HOMER2: variants seen among roughly 807,000 people sequenced by gnomAD.
HOMER2 encodes the protein homer scaffold protein 2.
A neutral mutation model predicts 47.0 loss-of-function variants in HOMER2; 27 were observed. The observed-to-expected ratio is 0.57, with a 90% CI of 0.42 to 0.79. The LOEUF is 0.79. HOMER2 is among the 30% of genes least tolerant of loss of function. The pLI, the probability that HOMER2 is intolerant of heterozygous loss-of-function variation, is 0.00. For missense variants in HOMER2, 443 were observed against 435.0 expected (o/e 1.02, Z -0.16); for synonymous variants, 161 against 163.8 (o/e 0.98, Z 0.13).
intron 3 of HOMER2, among the ~76,000 whole-genome samples, chr15:82,868,176 GTT>G (rs564561273): frequency 4.0e-5 from 6 of 151,822 alleles, no homozygotes; most frequent in Non-Finnish European, 5.9e-5. Flanking sequence ...CTTTTTAATG[GTT>G]TTTTTATTGT....
intron 1 of HOMER2, among the ~76,000 whole-genome samples, chr15:82,918,217 C>T (rs1002725686): frequency 3.9e-5 from 6 of 152,188 alleles, no homozygotes; most frequent in Non-Finnish European, 5.9e-5. Context: ...CCATCCCTCC[C>T]GGACAGCACT....
Position 82,863,827 on chromosome 15 carries a change from G to A in HOMER2, c.387+340C>T, listed in dbSNP as rs188028576. Among the ~76,000 whole-genome samples the A allele has an allele frequency of 2.0e-5, 3 of 152,196 alleles. No homozygotes were observed. The East Asian group carries it at 5.8e-4, about 29-fold the overall frequency. The stretch of plus-strand genomic sequence containing the variant: ...TCTGACATCAAGTCTCTCTCTTGTG[G>A]GCACAAGGTACCCTACACAGAAACT... On this transcript the variant is annotated intron_variant, in intron 4 of 8. Coordinates refer to ENST00000450735, the MANE Select transcript of HOMER2 (RefSeq NM_004839.4).
chr15:82,957,243 C>A (rs1317772361), upstream of HOMER2, among the ~76,000 whole-genome samples: 1 of 149,988 alleles, frequency 6.7e-6, no homozygotes, highest in African/African-American at 2.5e-5. Flanking sequence ...TGTGTCACTG[C>A]ACTCTAGCAC....
intron 3 of HOMER2, among the ~76,000 whole-genome samples, chr15:82,874,446 C>CA (rs2052278511): frequency 6.6e-6 from 1 of 152,222 alleles, no homozygotes; most frequent in Non-Finnish European, 1.5e-5. Flanking sequence ...AACAGGCTCT[C>CA]AGCCCCTTTA....
intron 1 of HOMER2, among the ~76,000 whole-genome samples, chr15:82,901,164 A>T (rs1316447375): frequency 6.6e-6 from 1 of 152,172 alleles, no homozygotes. Context: ...ATCCATTCTC[A>T]TGTGCTTTGG....
intron 3 of HOMER2, among the ~76,000 whole-genome samples, chr15:82,871,650 C>G (rs763802892): frequency 1.2e-4 from 18 of 152,288 alleles, no homozygotes; most frequent in Non-Finnish European, 1.9e-4. Flanking sequence ...GTTGTGGGCA[C>G]CGAGCAGAAC....
chr15:82,854,672 C>T lies in HOMER2; in HGVS notation c.623G>A (p.Arg208His), dbSNP rs7175005. 5.7e-3 allele frequency: 9,246 copies of T among 1,612,974 alleles called. 446 individuals are homozygous for T. In the African/African-American group the frequency reaches 0.11, roughly 19 times the overall value. Reference sequence around the variant, plus strand: ...GTTGCGGAGCCGGTCATTCTCATCACGGCAGATGGAGAACTGCCTCTTCCA... The same window carrying T: ...GTTGCGGAGCCGGTCATTCTCATCATGGCAGATGGAGAACTGCCTCTTCCA... ...EQWKRQFSIC[R>H]DENDRLRNKI... The change falls in exon 6 of 9, where the codon CGT (arginine) becomes CAT (histidine). Residue 208 changes from arginine (R) to histidine (H), a missense_variant. By Grantham distance (29) the Arg-to-His change is conservative. Coordinates refer to ENST00000450735, the MANE Select transcript of HOMER2 (RefSeq NM_004839.4).
intron 1 of HOMER2, among the ~76,000 whole-genome samples, chr15:82,976,285 CTATTTATTTATT>C (rs543419840): frequency 2.0e-5 from 3 of 151,544 alleles, no homozygotes; most frequent in Non-Finnish European, 2.9e-5. Context: ...TTATCATGCA[CTATTTATTTATT>C]TATTTATTTA....
At chr15:82,894,424 T>A (rs2052833046) in intron 1 of HOMER2, among the ~76,000 whole-genome samples, 1 of 152,070 alleles carries the variant, frequency 6.6e-6, no homozygotes, top group Non-Finnish European at 1.5e-5. Context: ...GCCATCAACG[T>A]GTAAAAATAG....
chr15:82,851,231 C>G lies in HOMER2; in HGVS notation c.763G>C (p.Glu255Gln), dbSNP rs1468103617. The G allele has an allele frequency of 4.5e-6, 7 of 1,554,290 alleles. No individual in the cohort carries two copies. The highest frequency in any genetic ancestry group is 1.2e-5 in the South Asian group (1 of 84,304). ...LEAELREKET[E>Q]LKDLRKQSEI... ...CTTTGTTTTCGGAGATCTTTCAGCT[C>G]CTACATGAAAAAAATTTGAGATAGA... The change falls in exon 8 of 9, where the codon GAG (glutamate) becomes CAG (glutamine). Residue 255 changes from glutamate (E) to glutamine (Q), a missense_variant and splice_region_variant. Glu to Gln is a conservative substitution (Grantham distance 29). Coordinates refer to ENST00000450735, the MANE Select transcript of HOMER2 (RefSeq NM_004839.4).
At chr15:82,902,062 G>C (rs2053136421) in intron 1 of HOMER2, among the ~76,000 whole-genome samples, 1 of 152,180 alleles carries the variant, frequency 6.6e-6, no homozygotes, top group South Asian at 2.1e-4. Flanking sequence ...TTATTCTGTA[G>C]ATGGTATGGT....
rs777014720 is a variant in HOMER2 at position 82,872,402 on chromosome 15, C to T, written c.294+2871G>A. On this transcript the variant is annotated intron_variant, in intron 3 of 8. Transcript: ENST00000450735. Reference sequence around the variant, plus strand: ...CCCAGTTTTGCCAATATTTGTGCCTCGGTATTTTTAAAATTTCTCCAACTC... The same window carrying T: ...CCCAGTTTTGCCAATATTTGTGCCTTGGTATTTTTAAAATTTCTCCAACTC... Among the ~76,000 whole-genome samples the T allele has an allele frequency of 7.9e-5, 12 of 152,112 alleles. 1 individual carries two copies. The highest frequency in any genetic ancestry group is 4.6e-4 in the Admixed American group (7 of 15,268).
At chr15:82,978,426 T>C (rs903630057) in intron 1 of HOMER2, among the ~76,000 whole-genome samples, 5 of 152,158 alleles carry the variant, frequency 3.3e-5, no homozygotes, top group Admixed American at 1.3e-4. Context: ...GGGATGATTA[T>C]GGAAGCTCAC....
At chr15:82,930,919 G>A (rs1390173349) in intron 1 of HOMER2, among the ~76,000 whole-genome samples, 1 of 134,512 alleles carries the variant, frequency 7.4e-6, no homozygotes. Flanking sequence ...CCAGCTACTT[G>A]GGGGGGCTGA....
intron 1 of HOMER2, among the ~76,000 whole-genome samples, chr15:82,898,121 G>A (rs1432168876): frequency 6.6e-6 from 1 of 152,150 alleles, no homozygotes; most frequent in Non-Finnish European, 1.5e-5. Context: ...ATCACTTCAG[G>A]CAAACTGAAC....
At chr15:82,840,853 G>T (rs1287895847) in exon 2 of HOMER2, 1 of 151,136 alleles carries the variant, frequency 6.6e-6, no homozygotes, top group African/African-American at 2.4e-5. Context: ...GGCACTACTA[G>T]ATTTGGACAG....
rs1281618289 is a variant in HOMER2, at chr15:82,875,313, A to G, written c.254T>C (p.Val85Ala). Reference protein sequence around the residue: ...GQWADSRANTVFGLGFSSEQQ... With the variant: ...GQWADSRANTAFGLGFSSEQQ... The stretch of plus-strand genomic sequence containing the variant: ...CTCAGAGGAAAACCCCAAACCAAAC[A>G]CTGTGTTGGCTCTGCTGTCGGCCCA... Residue 85 changes from valine to alanine, a missense_variant, in exon 3 of 9, where the codon GTG becomes GCG. Val to Ala is a moderately conservative substitution (Grantham distance 64). Coordinates refer to ENST00000450735, the MANE Select transcript of HOMER2 (RefSeq NM_004839.4). The G allele has an allele frequency of 6.2e-7, 1 of 1,613,658 alleles. No individual in the cohort carries two copies. The highest frequency in any genetic ancestry group is 1.1e-5 in the South Asian group (1 of 91,076).
intron 2 of HOMER2, among the ~76,000 whole-genome samples, chr15:82,877,102 C>T (rs1382403398): frequency 6.6e-6 from 1 of 152,184 alleles, no homozygotes; most frequent in Non-Finnish European, 1.5e-5. Context: ...AACCTTACAA[C>T]GAGCCTATGC....
intron 3 of HOMER2, among the ~76,000 whole-genome samples, chr15:82,868,541 ATTT>A (rs10678643): frequency 1.4e-4 from 10 of 71,266 alleles, no homozygotes; most frequent in South Asian, 4.9e-4. Flanking sequence ...ATATATATAT[ATTT>A]TTTTTTTTTT....
Sources: allele counts gnomAD v4.1 joint callset (sites outside exome capture counted in the v4.1 genomes callset), GRCh38; gene constraint gnomAD v4.1.1; transcripts MANE v1.5; gene names NCBI Gene and HGNC (gene_info 2026-07-23, HGNC 2026-07-21).